The following L3MBTL2 variants were observed in gnomAD, a reference collection of about 807,000 sequenced individuals.
L3MBTL2 encodes the protein lethal(3)malignant brain tumor-like protein 2.
Under a neutral mutation model 86.4 loss-of-function variants are expected in L3MBTL2, and 49 were observed. The observed-to-expected ratio is 0.57, with a 90% confidence interval of 0.45 to 0.72. The LOEUF is 0.72. Among genes scored for constraint, L3MBTL2 ranks in the 30% least tolerant of loss-of-function variants. The pLI is 0.00. For synonymous variants in L3MBTL2, 336 were observed against 350.6 expected (o/e 0.96, Z 0.47); for missense variants, 755 against 923.7 (o/e 0.82, Z 2.37).
At chr22:41,210,089 A>G in intron 2 of L3MBTL2, 156 bp downstream of exon 2, 4 of 895,616 alleles carry the variant, frequency 4.5e-6, no homozygotes, top group Non-Finnish European at 4.8e-6. Flanking sequence ...TGTAAGGGAG[A>G]CAGAAGCACC....
rs980903313 is a variant in L3MBTL2, at chr22:41,212,869, T to G, written c.263-1024T>G. On this transcript the variant is annotated intron_variant, in intron 2 of 16. Transcript: ENST00000216237. Reference sequence around the variant, plus strand: ...AAGATGGCGCCACTGCACTCCATCCTGGGCAACAAGAGCAAAACTCCATCT... The same window carrying G: ...AAGATGGCGCCACTGCACTCCATCCGGGGCAACAAGAGCAAAACTCCATCT... Among the ~76,000 whole-genome samples the G allele has an allele frequency of 9.1e-5, 13 of 142,328 alleles. No individual in the cohort carries two copies. The East Asian group carries it at 1.7e-3, about 19-fold the overall frequency. The allele number at this position is 142,328 out of a possible 152,430, so 93.4% of individuals were successfully genotyped here.
chr22:41,219,490 G>GC lies in L3MBTL2; in HGVS notation c.673dup (p.Leu225ProfsTer24). 1 of 1,613,982 alleles carries GC rather than the reference G, an allele frequency of 6.2e-7. No homozygotes were observed. Among genetic ancestry groups the GC allele is most frequent in the Non-Finnish European group, 8.5e-7 (1 of 1,179,898 alleles). ...TGGAGGTGCTCAACAGTGATGCTGT[G>GC]CTCCCCAGCCGGGTGTACTGGATCG... On this transcript the variant is annotated frameshift_variant, in exon 6 of 17. Transcript: ENST00000216237. LOFTEE classifies it high-confidence loss of function.
chr22:41,227,827 A>G lies in L3MBTL2; in HGVS notation c.1846A>G (p.Lys616Glu). 3 of 1,613,742 alleles carry G rather than the reference A, an allele frequency of 1.9e-6. No individual in the cohort carries two copies. Among genetic ancestry groups the G allele is most frequent in the Non-Finnish European group, 2.5e-6 (3 of 1,179,794 alleles). Residue 616 changes from lysine to glutamate, a missense_variant, in exon 15 of 17, where the codon AAA (lysine) becomes GAA (glutamate). Coordinates refer to ENST00000216237, the MANE Select transcript of L3MBTL2 (RefSeq NM_031488.5). This position sits in a 1 kb window ranked among gnomAD's most constrained non-coding sequence, Gnocchi z 6.0. ...AGAACCGGCCACACCGCTGAAGGCC[A>G]AAGAGGCCACAAAGAAGAAAAAGAA... is the stretch of plus-strand genomic sequence containing the variant. ...AAEPATPLKA[K>E]EATKKKKKQF...
At position 41,225,835 on chromosome 22, in the gene L3MBTL2, G is replaced by A; in HGVS notation, c.1398G>A (p.Gly466=). ...DGYLMICVDG[G]PSTDGLDWFC... is the part of the protein sequence containing the mutation. ...ACCTGATGATCTGTGTGGACGGGGGGCCCTCCACAGATGGCTTGGACTGGT... is the reference window on the plus strand; with the variant it reads ...ACCTGATGATCTGTGTGGACGGGGGACCCTCCACAGATGGCTTGGACTGGT... Residue 466 remains glycine (G), a synonymous_variant, in exon 12 of 17, where the codon GGG becomes GGA. Transcript: ENST00000216237. This position sits in a 1 kb window ranked among gnomAD's most constrained non-coding sequence, Gnocchi z 4.1. 8.7e-6 allele frequency: 14 copies of A among 1,614,030 alleles called. No homozygotes were observed. The highest frequency in any genetic ancestry group is 1.2e-5 in the Non-Finnish European group (14 of 1,179,936).
chr22:41,205,646 T>C (rs2030150269), intron 1 of L3MBTL2, among the ~76,000 whole-genome samples: 2 of 152,166 alleles, frequency 1.3e-5, no homozygotes, highest in Admixed American at 1.3e-4. Flanking sequence ...GTTTAGGATC[T>C]GAGAGCTCCT....
At chr22:41,226,636 T>C (rs920762042) in intron 12 of L3MBTL2, 26 bp from the exon 13 acceptor site, 6 of 1,549,264 alleles carry the variant, frequency 3.9e-6, no homozygotes, top group African/African-American at 1.4e-5. Flanking sequence ...CCTCTCCCTC[T>C]GCATCTGAGC....
At position 41,229,564 on chromosome 22, in the gene L3MBTL2, C is replaced by T. The variant is rs143799837; in HGVS notation, c.1913C>T (p.Thr638Met). Residue 638 changes from threonine (T) to methionine (M), a missense_variant, in exon 16 of 17, where the codon ACG (threonine) becomes ATG (methionine). Coordinates refer to ENST00000216237, the MANE Select transcript of L3MBTL2 (RefSeq NM_031488.5). ...GGGAAAAGAATCCCGCCCACTAAGA[C>T]GCGACCCCTCAGACAGGGGTCCAAG... Reference protein sequence around the residue: ...KKRKRIPPTKTRPLRQGSKKP... With the variant: ...KKRKRIPPTKMRPLRQGSKKP... 73 of 1,612,638 alleles carry T rather than the reference C, an allele frequency of 4.5e-5. No individual in the cohort carries two copies. Among genetic ancestry groups the T allele is most frequent in the Non-Finnish European group, 4.9e-5 (58 of 1,178,892 alleles).
At chr22:41,230,089 C>CCCCCCCCGG in intron 16 of L3MBTL2, 50 bp from the exon 17 acceptor site, 1 of 873,242 alleles carries the variant, frequency 1.1e-6, no homozygotes, top group Non-Finnish European at 1.8e-6. Flanking sequence ...GCCCCCACCC[C>CCCCCCCCGG]TCCCAGAGTT....
At chr22:41,211,226 G>T (rs2030753497) in intron 2 of L3MBTL2, among the ~76,000 whole-genome samples, 1 of 152,044 alleles carries the variant, frequency 6.6e-6, no homozygotes, top group Non-Finnish European at 1.5e-5. Flanking sequence ...TTTGAGGCAG[G>T]GTCTCACTCT....
chr22:41,221,986 C>T (rs1401900248), intron 8 of L3MBTL2, among the ~76,000 whole-genome samples: 1 of 152,020 alleles, frequency 6.6e-6, no homozygotes, highest in Non-Finnish European at 1.5e-5. Context: ...GCAACCTCCG[C>T]TTCCTGGGTT....
At chr22:41,210,143 CTTTTTTTTTTTTT>C (rs869292228) in intron 2 of L3MBTL2, 9 of 162,886 alleles carry the variant, frequency 5.5e-5, no homozygotes, top group South Asian at 2.8e-4. Flanking sequence ...AGTCTAATTT[CTTTTTTTTTTTTT>C]TTTTTTTTTT....
In L3MBTL2 at chr22:41,224,928, G is replaced by A. The variant is rs1488943446; in HGVS notation, c.1252-39G>A. 3.8e-6 allele frequency: 6 copies of A among 1,593,440 alleles called. No individual in the cohort carries two copies. Among genetic ancestry groups the A allele is most frequent in the Non-Finnish European group, 5.2e-6 (6 of 1,162,638 alleles). On this transcript the variant is annotated intron_variant, in intron 10 of 16. Coordinates refer to ENST00000216237, the MANE Select transcript of L3MBTL2 (RefSeq NM_031488.5). The surrounding 1 kb of genome is among the most constrained non-coding windows in gnomAD (Gnocchi z 4.9). ...CCTGCTTCCCTCACCCTTCCTCCTG[G>A]CCTGCCCAGGGAGTCCCCAGCTGTC... is the stretch of plus-strand genomic sequence containing the variant.
At chr22:41,218,708 C>G (rs1303579093) in intron 5 of L3MBTL2, 1 of 152,228 alleles carries the variant, frequency 6.6e-6, no homozygotes, top group South Asian at 2.1e-4. Context: ...ACAGCAGCCT[C>G]CCCCTCCCAG....
At chr22:41,217,070 T>A (rs190000794) in intron 4 of L3MBTL2, 53 bp from the exon 5 acceptor site, 6 of 1,489,598 alleles carry the variant, frequency 4.0e-6, no homozygotes, top group Non-Finnish European at 5.6e-6. Flanking sequence ...TCCAGGCTCC[T>A]GGAGTGGCTG....
intron 4 of L3MBTL2, among the ~76,000 whole-genome samples, chr22:41,216,603 G>GA (rs1192046800): frequency 6.6e-6 from 1 of 152,210 alleles, no homozygotes; most frequent in Non-Finnish European, 1.5e-5. Context: ...TTGGAGAGGG[G>GA]TGGTGGGATA....
At chr22:41,216,641 A>G (rs548301932) in intron 4 of L3MBTL2, among the ~76,000 whole-genome samples, 3 of 152,284 alleles carry the variant, frequency 2.0e-5, no homozygotes, top group South Asian at 4.1e-4. Context: ...CTGAGTGTGT[A>G]GCAATTGCTA....
In L3MBTL2 at chr22:41,227,378, C is replaced by T; in HGVS notation, c.1822+55C>T. 6.7e-7 allele frequency: 1 copy of T among 1,481,724 alleles called. No individual in the cohort carries two copies. The highest frequency in any genetic ancestry group is 9.2e-7 in the Non-Finnish European group (1 of 1,084,980). 91.8% of individuals were successfully genotyped at this position (1,481,724 alleles called of 1,614,324 possible). ...TGACTTTCTTTCCTCTTCTTTTTTC[C>T]TTCTTCCCCCGCCCCTGTGCCCATC... On this transcript the variant is annotated intron_variant, in intron 14 of 16. Coordinates refer to ENST00000216237, the MANE Select transcript of L3MBTL2 (RefSeq NM_031488.5). The surrounding 1 kb of genome is among the most constrained non-coding windows in gnomAD (Gnocchi z 6.0).
chr22:41,207,433 G>C (rs1199539661), intron 1 of L3MBTL2, among the ~76,000 whole-genome samples: 1 of 151,542 alleles, frequency 6.6e-6, no homozygotes. Context: ...ATGTTGCCCA[G>C]TCTGGTCTTG....
Position 41,230,324 on chromosome 22 carries a change from C to G in L3MBTL2, c.*73C>G, listed in dbSNP as rs1243295466. ...TTCTCTACCACCACCACCATGCCTCCACCTGACTTTGGCTTGGAGACTGAT... is the reference window on the plus strand; with the variant it reads ...TTCTCTACCACCACCACCATGCCTCGACCTGACTTTGGCTTGGAGACTGAT... On this transcript the variant is annotated 3_prime_UTR_variant, in exon 17 of 17. Coordinates refer to ENST00000216237, the MANE Select transcript of L3MBTL2 (RefSeq NM_031488.5). 3 of 1,118,492 alleles carry G rather than the reference C, an allele frequency of 2.7e-6. No individual in the cohort carries two copies. Among genetic ancestry groups the G allele is most frequent in the Non-Finnish European group, 4.1e-6 (3 of 737,638 alleles). The allele number at this position is 1,118,492 out of a possible 1,614,324, so 69.3% of individuals were successfully genotyped here.
Sources: gnomAD v4.1 joint callset for allele counts (sites outside exome capture counted in the v4.1 genomes callset) on GRCh38, gnomAD v4.1.1 for gene constraint, Gnocchi (gnomAD v3.1) non-coding constraint, MANE v1.5 for transcripts, NCBI Gene and HGNC (gene_info 2026-07-23, HGNC 2026-07-21) for gene names.